Variants in RNF220 observed in about 807,000 individuals in gnomAD.
RNF220 encodes E3 ubiquitin-protein ligase RNF220.
A neutral mutation model predicts 67.1 loss-of-function variants in RNF220; 7 were observed. The observed-to-expected ratio is 0.10, with a 90% CI of 0.06 to 0.20. The LOEUF (loss-of-function observed/expected upper bound fraction) is 0.20. Among genes scored for constraint, RNF220 ranks in the 10% least tolerant of loss-of-function variants. The probability of loss-of-function intolerance (pLI) is 1.00; values close to 1 mark genes in which losing one functional copy is unlikely to be tolerated. For missense variants in RNF220, 565 were observed against 740.3 expected (o/e 0.76, Z 2.75); for synonymous variants, 270 against 283.2 (o/e 0.95, Z 0.47).
chr1:44,620,140 G>A (rs563772403), intron 3 of RNF220, among the ~76,000 whole-genome samples: 1 of 152,346 alleles, frequency 6.6e-6, no homozygotes, highest in African/African-American at 2.4e-5. Flanking sequence ...GTGTCTTTAG[G>A]GAGGCAGCAT....
intron 2 of RNF220, among the ~76,000 whole-genome samples, chr1:44,530,919 CG>C (rs1326068658): frequency 6.6e-5 from 10 of 151,958 alleles, no homozygotes; most frequent in Admixed American, 3.9e-4. Flanking sequence ...GCCGAGATTG[CG>C]CCATTGCACT....
intron 2 of RNF220, among the ~76,000 whole-genome samples, chr1:44,544,982 T>G (rs1198020830): frequency 1.3e-5 from 2 of 152,228 alleles, no homozygotes; most frequent in Non-Finnish European, 2.9e-5. Flanking sequence ...ATTGAGCATG[T>G]ACCAAGTGTC....
In RNF220 at chr1:44,522,418, C is replaced by T. The variant is rs185040569; in HGVS notation, c.626-91747C>T. Among the ~76,000 whole-genome samples, 735 of 152,278 alleles carry T rather than the reference C, an allele frequency of 4.8e-3. 1 individual carries two copies. Among genetic ancestry groups the T allele is most frequent in the Non-Finnish European group, 7.5e-3 (508 of 68,038 alleles). On this transcript the variant is annotated intron_variant, in intron 2 of 14. Coordinates refer to ENST00000361799, the MANE Select transcript of RNF220 (RefSeq NM_018150.4). The stretch of plus-strand genomic sequence containing the variant: ...TAGGCACCCAATAAATGTGAGGCCC[C>T]ATACCTATTAGAAGAAGCAGAACTC...
intron 2 of RNF220, among the ~76,000 whole-genome samples, chr1:44,592,575 AC>A (rs1208048441): frequency 6.6e-6 from 1 of 152,076 alleles, no homozygotes; most frequent in African/African-American, 2.4e-5. Context: ...CCAGGCCCAT[AC>A]CTGCTCTGTG....
intron 2 of RNF220, among the ~76,000 whole-genome samples, chr1:44,489,868 G>C (rs981330630): frequency 1.3e-5 from 2 of 152,160 alleles, no homozygotes; most frequent in Non-Finnish European, 2.9e-5. Flanking sequence ...TTGTCTCGCA[G>C]CTCTAAGTCT....
chr1:44,488,433 C>T (rs1370435081), intron 2 of RNF220, among the ~76,000 whole-genome samples: 2 of 151,842 alleles, frequency 1.3e-5, no homozygotes, highest in South Asian at 4.2e-4. Context: ...CCGGCCATGC[C>T]CTGCTAATTT....
chr1:44,536,100 C>G (rs1341406112), intron 2 of RNF220, among the ~76,000 whole-genome samples: 2 of 152,024 alleles, frequency 1.3e-5, no homozygotes, highest in African/African-American at 4.8e-5. Flanking sequence ...TTCCTGCATT[C>G]GCTGGTGATG....
At chr1:44,612,827 C>CCA (rs75957396) in intron 2 of RNF220, among the ~76,000 whole-genome samples, 149,563 of 152,260 alleles carry the variant, frequency 0.98, 73,512 homozygotes, top group Non-Finnish European at 1. Flanking sequence ...TCTGGCAACC[C>CCA]CTTAGGCAAC....
chr1:44,459,152 T>C (rs1042146753), intron 2 of RNF220, among the ~76,000 whole-genome samples: 1 of 152,088 alleles, frequency 6.6e-6, no homozygotes, highest in African/African-American at 2.4e-5. Context: ...GTTCAATAAA[T>C]TTCTGACTTT....
intron 2 of RNF220, among the ~76,000 whole-genome samples, chr1:44,436,134 C>T (rs1162480207): frequency 6.6e-6 from 1 of 151,964 alleles, no homozygotes; most frequent in African/African-American, 2.4e-5. Flanking sequence ...TCTGCAAAAG[C>T]TCCCTGGAGC....
chr1:44,456,633 A>G (rs12724890), intron 2 of RNF220, among the ~76,000 whole-genome samples: 34,620 of 152,086 alleles, frequency 0.23, 4,066 homozygotes, highest in Middle Eastern at 0.28. Context: ...AGTCTTAAGA[A>G]AGGAGTGACA....
intron 3 of RNF220, among the ~76,000 whole-genome samples, chr1:44,618,655 G>A (rs1427508782): frequency 1.3e-5 from 2 of 152,144 alleles, no homozygotes; most frequent in Admixed American, 1.3e-4. Flanking sequence ...AGAGTAAGCC[G>A]AACATTCATG....
chr1:44,555,193 G>A (rs1457787912), intron 2 of RNF220, among the ~76,000 whole-genome samples: 1 of 151,930 alleles, frequency 6.6e-6, no homozygotes, highest in Non-Finnish European at 1.5e-5. Flanking sequence ...TCAACCTCCT[G>A]TGTAGTTGGA....
intron 2 of RNF220, among the ~76,000 whole-genome samples, chr1:44,461,823 A>C (rs1653785958): frequency 6.6e-6 from 1 of 152,194 alleles, no homozygotes; most frequent in African/African-American, 2.4e-5. Context: ...AGTTCTTGTT[A>C]ATGGCTGGTC....
Position 44,410,871 on chromosome 1 carries a change from AT to A in RNF220, c.-117-1109del, listed in dbSNP as rs61454322. On this transcript the variant is annotated intron_variant, in intron 1 of 14. Coordinates refer to ENST00000361799, the MANE Select transcript of RNF220 (RefSeq NM_018150.4). The stretch of plus-strand genomic sequence containing the variant: ...CTTATATTGTCCCGGCTTTTGATAT[AT>A]AGCCCTTCTCCCAGCCCCCACTCAA... Among the ~76,000 whole-genome samples the A allele has an allele frequency of 6.0e-3, 916 of 152,300 alleles. 14 individuals carry two copies. The highest frequency in any genetic ancestry group is 0.021 in the African/African-American group (888 of 41,556).
chr1:44,494,293 G>T (rs1657130858), intron 2 of RNF220, among the ~76,000 whole-genome samples: 1 of 150,902 alleles, frequency 6.6e-6, no homozygotes. Context: ...ATAAACTTAA[G>T]AGACATTACG....
intron 2 of RNF220, chr1:44,424,099 A>ATCATCTCCTACTTCTTT: frequency 7.3e-6 from 6 of 824,002 alleles, no homozygotes; most frequent in Non-Finnish European, 8.8e-6. Context: ...TCAAAGAAGT[A>ATCATCTCCTACTTCTTT]GGAGATGATA....
At chr1:44,408,598 AT>A (rs944193586) in intron 1 of RNF220, 9 of 152,090 alleles carry the variant, frequency 5.9e-5, no homozygotes, top group African/African-American at 2.2e-4. Context: ...TTCCTTGTTA[AT>A]TTTTTTAAAA....
chr1:44,518,898 A>G (rs948728835), intron 2 of RNF220, among the ~76,000 whole-genome samples: 1 of 152,058 alleles, frequency 6.6e-6, no homozygotes, highest in Admixed American at 6.5e-5. Context: ...ACAAAAAAAA[A>G]AAAACTTAAT....
Sources: allele counts gnomAD v4.1 joint callset (sites outside exome capture counted in the v4.1 genomes callset), GRCh38; gene constraint gnomAD v4.1.1; transcripts MANE v1.5; gene names NCBI Gene and HGNC (gene_info 2026-07-23, HGNC 2026-07-21).